RBFOX1: variants seen among roughly 807,000 people sequenced by gnomAD.
The protein encoded by RBFOX1 is RNA binding fox-1 homolog 1.
Under a neutral mutation model 57.7 loss-of-function variants are expected in RBFOX1, and 8 were observed. That is an observed-to-expected ratio of 0.14 (90% confidence interval 0.08 to 0.25). RBFOX1 has a LOEUF of 0.25. Among genes scored for constraint, RBFOX1 ranks in the 10% least tolerant of loss-of-function variants. RBFOX1 has a pLI of 1.00. For missense variants in RBFOX1, 611 were observed against 548.5 expected (o/e 1.11, Z -1.14); for synonymous variants, 326 against 222.4 (o/e 1.47, Z -4.15).
In RBFOX1 at chr16:5,955,336, TAAAATAAAATAAAATAAATAA is replaced by T. The variant is rs1221885727; in HGVS notation, c.351+88005_351+88025del. Among the ~76,000 whole-genome samples, 97 of 50,320 alleles carry T rather than the reference TAAAATAAAATAAAATAAATAA, an allele frequency of 1.9e-3. 9 individuals are homozygous for T. The highest frequency in any genetic ancestry group is 6.5e-3 in the African/African-American group (88 of 13,496). The allele number at this position is 50,320 out of a possible 152,430, so 33.0% of individuals were successfully genotyped here. ...TAAAATAAAATAAAATAAAATAAAA[TAAAATAAAATAAAATAAATAA>T]AAATAAAATAAAATAAAATAAAATA... On this transcript the variant is annotated intron_variant, in intron 4 of 19. Transcript: ENST00000641259.
chr16:5,423,825 T>A (rs780035393), intron 1 of RBFOX1, among the ~76,000 whole-genome samples: 4 of 152,180 alleles, frequency 2.6e-5, no homozygotes, highest in Non-Finnish European at 4.4e-5. Flanking sequence ...TAAAGGGCTC[T>A]TGTTGTCTTC....
chr16:5,979,831 C>T (rs979656230), intron 4 of RBFOX1, among the ~76,000 whole-genome samples: 1 of 152,308 alleles, frequency 6.6e-6, no homozygotes. Flanking sequence ...CACTGCGCTC[C>T]AGCCTGGCAA....
At chr16:5,696,891 C>G (rs1394939458) in intron 3 of RBFOX1, among the ~76,000 whole-genome samples, 1 of 151,944 alleles carries the variant, frequency 6.6e-6, no homozygotes, top group Admixed American at 6.6e-5. Context: ...CACATATATA[C>G]TTACAGAGAC....
At chr16:5,599,926 G>C (rs2151204583) in exon 3 of RBFOX1, 1 of 152,196 alleles carries the variant, frequency 6.6e-6, no homozygotes, top group South Asian at 2.1e-4. Context: ...CAGCCCTTTG[G>C]GAGGCCAAGG....
intron 3 of RBFOX1, among the ~76,000 whole-genome samples, chr16:7,016,744 G>C (rs1477339559): frequency 6.6e-6 from 1 of 152,188 alleles, no homozygotes; most frequent in African/African-American, 2.4e-5. Context: ...TGATTAAACT[G>C]TCTACTTCAC....
At chr16:6,055,590 C>CAAAA (rs35872547) in intron 1 of RBFOX1, among the ~76,000 whole-genome samples, 18 of 65,520 alleles carry the variant, frequency 2.7e-4, no homozygotes, top group South Asian at 8.5e-4. Context: ...GAGACTCCGT[C>CAAAA]AAAAAAAAAA....
At chr16:6,951,953 C>T (rs550215243) in intron 3 of RBFOX1, among the ~76,000 whole-genome samples, 1 of 152,266 alleles carries the variant, frequency 6.6e-6, no homozygotes, top group Non-Finnish European at 1.5e-5. Context: ...TCAGGCTGGT[C>T]TCGAACACCT....
intron 3 of RBFOX1, among the ~76,000 whole-genome samples, chr16:6,995,071 G>C (rs2092053830): frequency 6.6e-6 from 1 of 151,864 alleles, no homozygotes; most frequent in South Asian, 2.1e-4. Context: ...AAAACTCTCT[G>C]GGGTTAAGTG....
chr16:7,019,869 A>G (rs1005593718), intron 3 of RBFOX1, among the ~76,000 whole-genome samples: 2 of 152,182 alleles, frequency 1.3e-5, no homozygotes, highest in Admixed American at 6.5e-5. Flanking sequence ...GTCCAGCAAT[A>G]CTGACATTTT....
At chr16:7,226,292 G>C (rs1401463626) in intron 4 of RBFOX1, among the ~76,000 whole-genome samples, 1 of 152,172 alleles carries the variant, frequency 6.6e-6, no homozygotes, top group Non-Finnish European at 1.5e-5. Context: ...TGAACTACAA[G>C]CTACGGAGTT....
chr16:6,263,807 A>T (rs1346327604), intron 1 of RBFOX1, among the ~76,000 whole-genome samples: 1 of 152,200 alleles, frequency 6.6e-6, no homozygotes, highest in African/African-American at 2.4e-5. Flanking sequence ...GCACCACTCC[A>T]TCTGTGAACT....
intron 2 of RBFOX1, among the ~76,000 whole-genome samples, chr16:6,553,634 C>T (rs771424243): frequency 5.3e-5 from 8 of 151,920 alleles, no homozygotes; most frequent in Non-Finnish European, 8.8e-5. Context: ...TGGGGATGGA[C>T]GATCTCTCTC....
intron 4 of RBFOX1, among the ~76,000 whole-genome samples, chr16:7,113,287 A>T (rs973644409): frequency 7.2e-5 from 11 of 152,186 alleles, no homozygotes; most frequent in African/African-American, 2.7e-4. Flanking sequence ...GGTAAGAGTA[A>T]TGCTCTATAG....
intron 3 of RBFOX1, among the ~76,000 whole-genome samples, chr16:6,819,733 A>AAAAAAC (rs2090924910): frequency 1.3e-5 from 1 of 77,296 alleles, no homozygotes; most frequent in African/African-American, 4.8e-5. Context: ...AAAAAAAAAT[A>AAAAAAC]ACAACACCAA....
At position 7,052,065 on chromosome 16, in the gene RBFOX1, A is replaced by G; in HGVS notation, c.-7A>G. Reference sequence around the variant, plus strand: ...TTTTCTTTTCTTTCTAGGTTTCAAGACAACAGATGAATTGTGAAAGAGAGC... The same window carrying G: ...TTTTCTTTTCTTTCTAGGTTTCAAGGCAACAGATGAATTGTGAAAGAGAGC... On this transcript the variant is annotated 5_prime_UTR_variant, in exon 4 of 16. Coordinates refer to ENST00000550418, the MANE Select transcript of RBFOX1 (RefSeq NM_018723.4). 1.2e-6 allele frequency: 2 copies of G among 1,612,594 alleles called. No individual in the cohort carries two copies. The highest frequency in any genetic ancestry group is 8.5e-7 in the Non-Finnish European group (1 of 1,179,528).
chr16:7,524,138 G>A (rs528475988), intron 5 of RBFOX1, among the ~76,000 whole-genome samples: 2 of 152,290 alleles, frequency 1.3e-5, no homozygotes, highest in Admixed American at 6.5e-5. Flanking sequence ...CATCGTAGAG[G>A]CCATTATTTC....
chr16:6,331,454 G>T (rs1567952573), intron 2 of RBFOX1, among the ~76,000 whole-genome samples: 1 of 151,764 alleles, frequency 6.6e-6, no homozygotes, highest in South Asian at 2.1e-4. Flanking sequence ...AGTCTGGGAG[G>T]GAAGGATGAC....
At chr16:6,326,901 G>A (rs1358403600) in intron 2 of RBFOX1, among the ~76,000 whole-genome samples, 1 of 152,142 alleles carries the variant, frequency 6.6e-6, no homozygotes, top group East Asian at 1.9e-4. Flanking sequence ...AAATCTCCAT[G>A]TCTTGCATGC....
chr16:5,699,631 T>C (rs542903537), intron 3 of RBFOX1, among the ~76,000 whole-genome samples: 2 of 152,190 alleles, frequency 1.3e-5, no homozygotes, highest in East Asian at 3.9e-4. Context: ...GTAGACATTT[T>C]TGGTTGTCAG....
Sources: allele counts gnomAD v4.1 joint callset (sites outside exome capture counted in the v4.1 genomes callset), GRCh38; gene constraint gnomAD v4.1.1; transcripts MANE v1.5; gene names NCBI Gene and HGNC (gene_info 2026-07-23, HGNC 2026-07-21).